Variants in TRAM2 observed in about 807,000 individuals in gnomAD.
The protein encoded by TRAM2 is translocating chain-associated membrane protein 2.
In TRAM2, 12 loss-of-function variants were observed where a neutral mutation model predicts 51.0. The ratio of observed to expected loss-of-function variants is 0.24; its 90% CI spans 0.15 to 0.38. The LOEUF is 0.38. Ranked by LOEUF, TRAM2 falls within the 10% of genes least tolerant of loss-of-function variation. The pLI, the probability that TRAM2 is intolerant of heterozygous loss-of-function variation, is 1.00. For synonymous variants in TRAM2, 175 were observed against 179.4 expected, an observed-to-expected ratio of 0.98 and a Z score of 0.20; for missense variants, 361 against 462.0, an observed-to-expected ratio of 0.78 and a Z score of 2.00.
intron 7 of TRAM2, among the ~76,000 whole-genome samples, 190 bp from the exon 8 acceptor site, chr6:52,506,326 T>C (rs1766349467): frequency 6.6e-6 from 1 of 152,146 alleles, no homozygotes; most frequent in African/African-American, 2.4e-5. Flanking sequence ...TTTTTCCTAA[T>C]ACCGACCCGC....
Position 52,516,142 on chromosome 6 carries a change from C to T in TRAM2, c.295-20G>A, listed in dbSNP as rs367641521. ...GATTTTCTAAAGAATAAAGAAAACC[C>T]CTCATATTAATATACAAATGTATCC... On this transcript the variant is annotated intron_variant, in intron 3 of 10. Coordinates refer to ENST00000182527, the MANE Select transcript of TRAM2 (RefSeq NM_012288.4). 8.1e-6 allele frequency: 13 copies of T among 1,597,730 alleles called. No homozygotes were observed. The African/African-American group carries it at 1.5e-4, about 18-fold the overall frequency.
At chr6:52,553,266 T>A (rs948083189) in intron 1 of TRAM2, among the ~76,000 whole-genome samples, 7 of 152,210 alleles carry the variant, frequency 4.6e-5, no homozygotes, top group Non-Finnish European at 7.3e-5. Context: ...AGGATATTAT[T>A]CCATTAAATA....
intron 1 of TRAM2, among the ~76,000 whole-genome samples, chr6:52,556,857 G>T (rs1167055972): frequency 6.6e-6 from 1 of 151,872 alleles, no homozygotes. Context: ...GAACCCAGGA[G>T]GCGGAGGTTG....
At chr6:52,505,408 G>A (rs1581867027) in intron 9 of TRAM2, among the ~76,000 whole-genome samples, 191 bp downstream of exon 9, 1 of 152,226 alleles carries the variant, frequency 6.6e-6, no homozygotes, top group Admixed American at 6.5e-5. Context: ...ACCAGGACTA[G>A]GGGATGAAGA....
At chr6:52,504,812 G>A (rs2114059192) in intron 9 of TRAM2, 58 bp from the exon 10 acceptor site, 5 of 1,515,246 alleles carry the variant, frequency 3.3e-6, no homozygotes, top group Non-Finnish European at 4.4e-6. Flanking sequence ...CCTTGGGCTG[G>A]GTTGTGCAGG....
chr6:52,526,218 T>C (rs977601567), intron 2 of TRAM2, among the ~76,000 whole-genome samples: 2 of 148,196 alleles, frequency 1.3e-5, no homozygotes, highest in Non-Finnish European at 3.0e-5. Flanking sequence ...CGCCAGAGAA[T>C]TAAAGATCTG....
At chr6:52,542,432 G>A (rs1767119832) in intron 1 of TRAM2, among the ~76,000 whole-genome samples, 1 of 152,130 alleles carries the variant, frequency 6.6e-6, no homozygotes, top group African/African-American at 2.4e-5. Context: ...AAACAAAGAT[G>A]CTTTTCACTT....
At chr6:52,525,250 G>T (rs770523908) in intron 2 of TRAM2, 7 of 152,262 alleles carry the variant, frequency 4.6e-5, no homozygotes, top group Non-Finnish European at 8.8e-5. Flanking sequence ...CACACAGAAG[G>T]TGCCCTCATT....
At position 52,504,541 on chromosome 6, in the gene TRAM2, CCAGA is replaced by C. The variant is rs748658314; in HGVS notation, c.1039+46_1039+49del. 210 of 1,609,912 alleles carry C rather than the reference CCAGA, an allele frequency of 1.3e-4. 3 individuals are homozygous for C. In the South Asian group the frequency reaches 1.5e-3, roughly 12 times the overall value. On this transcript the variant is annotated intron_variant, in intron 10 of 10. Transcript: ENST00000182527. ...GGTGCCTTGGCTCCTCCCACCCATC[CCAGA>C]CAGACTTCCCTGGCTCCACTCTCTG...
intron 1 of TRAM2, among the ~76,000 whole-genome samples, chr6:52,575,574 G>C (rs1436468909): frequency 2.0e-5 from 3 of 152,196 alleles, no homozygotes; most frequent in African/African-American, 7.2e-5. Context: ...TTCCCAGCTT[G>C]AGGGCAGCTT....
chr6:52,576,358 T>C (rs1322085138), intron 1 of TRAM2, among the ~76,000 whole-genome samples: 1 of 152,128 alleles, frequency 6.6e-6, no homozygotes, highest in Non-Finnish European at 1.5e-5. Context: ...TCTCTCCCAC[T>C]GGAAAAGCCC....
At chr6:52,513,823 A>G (rs1215871122) in intron 4 of TRAM2, among the ~76,000 whole-genome samples, 1 of 152,244 alleles carries the variant, frequency 6.6e-6, no homozygotes, top group African/African-American at 2.4e-5. Context: ...TAAAAGATCC[A>G]TCTGGCTGAG....
chr6:52,575,267 C>CA (rs1232278789), intron 1 of TRAM2, among the ~76,000 whole-genome samples: 2 of 152,116 alleles, frequency 1.3e-5, no homozygotes, highest in African/African-American at 4.8e-5. Context: ...AGGCTGCAGT[C>CA]AGTTTTCAGT....
chr6:52,539,437 A>G (rs1289382004), intron 1 of TRAM2, among the ~76,000 whole-genome samples: 1 of 152,192 alleles, frequency 6.6e-6, no homozygotes, highest in Non-Finnish European at 1.5e-5. Flanking sequence ...AAATCCACAA[A>G]TAATAAGGAT....
chr6:52,555,785 AG>A (rs1472077882), intron 1 of TRAM2, among the ~76,000 whole-genome samples: 1 of 152,240 alleles, frequency 6.6e-6, no homozygotes, highest in Non-Finnish European at 1.5e-5. Flanking sequence ...GAAAAAAATC[AG>A]AATTCAGCCT....
rs1581863041 is a variant in TRAM2 at position 52,499,765 on chromosome 6, G to GTTC, written c.*3431_*3432insGAA. Reference sequence around the variant, plus strand: ...GTCTATTGGGGTTTCTTAAATGTTGGGAAGTTATGCCTTGGGACATGAACA... The same window carrying GTTC: ...GTCTATTGGGGTTTCTTAAATGTTGGTTCGAAGTTATGCCTTGGGACATGAACA... On this transcript the variant is annotated 3_prime_UTR_variant, in exon 11 of 11. Transcript: ENST00000182527. The GTTC allele has an allele frequency of 2.0e-5, 3 of 152,250 alleles. No homozygotes were observed. The East Asian group carries it at 5.8e-4, about 29-fold the overall frequency. 9.4% of individuals were successfully genotyped at this position (152,250 alleles called of 1,614,324 possible).
intron 1 of TRAM2, among the ~76,000 whole-genome samples, chr6:52,567,101 C>T (rs550273626): frequency 9.8e-5 from 15 of 152,334 alleles, no homozygotes; most frequent in Admixed American, 3.3e-4. Context: ...AGGTCAAAAC[C>T]AGCTCAGTTC....
chr6:52,508,103 TC>T, intron 6 of TRAM2, 130 bp downstream of exon 6: 1 of 804,398 alleles, frequency 1.2e-6, no homozygotes, highest in Non-Finnish European at 2.0e-6. Context: ...TGTTGCTCAA[TC>T]CCCAACATAT....
intron 4 of TRAM2, 177 bp downstream of exon 4, chr6:52,515,829 G>A: frequency 1.6e-6 from 1 of 628,788 alleles, no homozygotes; most frequent in Non-Finnish European, 2.8e-6. Context: ...AATACCATGA[G>A]GATGCAAACA....
Sources: gnomAD v4.1 joint callset for allele counts (sites outside exome capture counted in the v4.1 genomes callset) on GRCh38, gnomAD v4.1.1 for gene constraint, MANE v1.5 for transcripts, NCBI Gene and HGNC (gene_info 2026-07-23, HGNC 2026-07-21) for gene names.